Variants in VAV1 observed in about 807,000 individuals in gnomAD.
The protein encoded by VAV1 is vav guanine nucleotide exchange factor 1.
In VAV1, 33 loss-of-function variants were observed where a neutral mutation model predicts 128.1. The ratio of observed to expected loss-of-function variants is 0.26; its 90% CI spans 0.20 to 0.34. VAV1 has a LOEUF of 0.34. Ranked by LOEUF, VAV1 falls within the 10% of genes least tolerant of loss-of-function variation. The pLI is 1.00. For synonymous variants in VAV1, 394 were observed against 409.8 expected, an observed-to-expected ratio of 0.96 and a Z score of 0.47; for missense variants, 715 against 1,093.7, an observed-to-expected ratio of 0.65 and a Z score of 4.88.
chr19:6,837,344 G>C (rs1972247579), intron 21 of VAV1, among the ~76,000 whole-genome samples: 1 of 152,220 alleles, frequency 6.6e-6, no homozygotes. Context: ...CCTGCCCCTT[G>C]CTTCCTTCTG....
chr19:6,836,833 GACACACACACAC>G (rs60215253), intron 20 of VAV1, 140 bp from the exon 21 acceptor site: 63 of 874,246 alleles, frequency 7.2e-5, no homozygotes, highest in African/African-American at 6.3e-4. Context: ...CAGAGAGATG[GACACACACACAC>G]ACACACACAC....
intron 1 of VAV1, among the ~76,000 whole-genome samples, chr19:6,809,983 C>T (rs1971480647): frequency 6.6e-6 from 1 of 151,880 alleles, no homozygotes; most frequent in African/African-American, 2.4e-5. Flanking sequence ...CCAGCCTGGA[C>T]AATGTAACAA....
rs1419838694 is a variant in VAV1, at chr19:6,826,225, C to T, written c.828-387C>T. Among the ~76,000 whole-genome samples the T allele has an allele frequency of 2.0e-5, 3 of 152,072 alleles. No homozygotes were observed. The highest frequency in any genetic ancestry group is 4.4e-5 in the Non-Finnish European group (3 of 68,014). ...TGGTGGCAGGTGTCTGTAATCCCAGCTACTCGGGGGGCTGAAGCAGGAGAA... is the reference window on the plus strand; with the variant it reads ...TGGTGGCAGGTGTCTGTAATCCCAGTTACTCGGGGGGCTGAAGCAGGAGAA... On this transcript the variant is annotated intron_variant, in intron 8 of 26. Coordinates refer to ENST00000602142, the MANE Select transcript of VAV1 (RefSeq NM_005428.4). The surrounding 1 kb of genome is among the most constrained non-coding windows in gnomAD (Gnocchi z 4.1).
chr19:6,824,965 C>G (rs1212942662), intron 6 of VAV1, 88 bp from the exon 7 acceptor site: 3 of 1,367,428 alleles, frequency 2.2e-6, no homozygotes, highest in African/African-American at 2.9e-5. Context: ...CTTTATCTCC[C>G]TCTCTCTGTC....
At chr19:6,806,020 A>G (rs1417393338) in intron 1 of VAV1, among the ~76,000 whole-genome samples, 1 of 152,138 alleles carries the variant, frequency 6.6e-6, no homozygotes, top group Admixed American at 6.6e-5. Context: ...CAAATGACAG[A>G]AAACCTAATT....
chr19:6,813,793 C>T (rs945218978), intron 1 of VAV1, among the ~76,000 whole-genome samples: 4 of 151,962 alleles, frequency 2.6e-5, no homozygotes, highest in African/African-American at 9.7e-5. Flanking sequence ...GTGGCTCATA[C>T]CTGTAATCTC....
chr19:6,833,123 C>A, intron 15 of VAV1, 61 bp from the exon 16 acceptor site: 2 of 1,407,170 alleles, frequency 1.4e-6, no homozygotes, highest in Non-Finnish European at 2.0e-6. Flanking sequence ...TAGTATTCAG[C>A]CATAAAAAGG....
At chr19:6,802,484 C>G (rs936540905) in intron 1 of VAV1, among the ~76,000 whole-genome samples, 2 of 152,098 alleles carry the variant, frequency 1.3e-5, no homozygotes, top group Non-Finnish European at 2.9e-5. Context: ...CTGGCCCCAC[C>G]GCAGCCCGGA....
chr19:6,842,193 G>T (rs1022231589), intron 21 of VAV1, among the ~76,000 whole-genome samples: 1 of 152,144 alleles, frequency 6.6e-6, no homozygotes, highest in Admixed American at 6.5e-5. Flanking sequence ...TCGCGCCATT[G>T]CACTCCAGCC....
chr19:6,824,230 C>T (rs573651403), intron 6 of VAV1, among the ~76,000 whole-genome samples: 1 of 152,240 alleles, frequency 6.6e-6, no homozygotes, highest in African/African-American at 2.4e-5. Flanking sequence ...TGTGAGCCAC[C>T]ACCCCGGCCT....
chr19:6,847,414 G>A (rs1025543053), intron 22 of VAV1, among the ~76,000 whole-genome samples: 3 of 152,086 alleles, frequency 2.0e-5, no homozygotes, highest in South Asian at 2.1e-4. Flanking sequence ...ACAGTGTGTG[G>A]CCGTTTGTGC....
chr19:6,780,767 T>G (rs1366800031), intron 1 of VAV1, among the ~76,000 whole-genome samples: 1 of 149,620 alleles, frequency 6.7e-6, no homozygotes, highest in South Asian at 2.2e-4. Flanking sequence ...AGAGACAGGG[T>G]TTCACCATGT....
At chr19:6,785,743 T>C (rs753232757) in intron 1 of VAV1, among the ~76,000 whole-genome samples, 39 of 149,598 alleles carry the variant, frequency 2.6e-4, no homozygotes, top group Non-Finnish European at 4.9e-4. Flanking sequence ...CACCGCAACC[T>C]CTGCCTCCTG....
At chr19:6,796,452 T>C (rs1971138393) in intron 1 of VAV1, among the ~76,000 whole-genome samples, 1 of 152,112 alleles carries the variant, frequency 6.6e-6, no homozygotes, top group African/African-American at 2.4e-5. Context: ...TCCCCCTCGC[T>C]TACTCTGCTC....
chr19:6,798,001 G>A (rs1971177049), intron 1 of VAV1, among the ~76,000 whole-genome samples: 1 of 152,020 alleles, frequency 6.6e-6, no homozygotes, highest in Non-Finnish European at 1.5e-5. Context: ...ACATTGGTGG[G>A]GCGCGGTGGC....
chr19:6,793,932 T>C (rs1971071911), intron 1 of VAV1, among the ~76,000 whole-genome samples: 12 of 152,220 alleles, frequency 7.9e-5, no homozygotes, highest in Admixed American at 7.9e-4. Context: ...CATTAAATGA[T>C]TGATAAATAA....
At chr19:6,787,439 A>G (rs1970918748) in intron 1 of VAV1, among the ~76,000 whole-genome samples, 1 of 151,990 alleles carries the variant, frequency 6.6e-6, no homozygotes, top group Non-Finnish European at 1.5e-5. Context: ...GGCCTCCAAA[A>G]ATGCTGGGAT....
intron 1 of VAV1, among the ~76,000 whole-genome samples, chr19:6,790,140 T>C (rs368468307): frequency 6.6e-5 from 10 of 152,174 alleles, no homozygotes; most frequent in Admixed American, 2.0e-4. Context: ...ATCGTGCAAG[T>C]GCACTCCAGC....
Position 6,828,379 on chromosome 19 carries a change from G to A in VAV1, c.1024-40G>A, listed in dbSNP as rs1297813068. ...GAAGGCCCTCCCCGCAGGGAGAAGGGGAGGGGCCCAGGTGACGTCTGACGT... is the reference window on the plus strand; with the variant it reads ...GAAGGCCCTCCCCGCAGGGAGAAGGAGAGGGGCCCAGGTGACGTCTGACGT... On this transcript the variant is annotated intron_variant, in intron 10 of 26. Transcript: ENST00000602142. The surrounding 1 kb of genome is among the most constrained non-coding windows in gnomAD (Gnocchi z 4.5). The A allele has an allele frequency of 1.9e-6, 3 of 1,612,926 alleles. No individual in the cohort carries two copies. Among genetic ancestry groups the A allele is most frequent in the African/African-American group, 2.7e-5 (2 of 74,878 alleles).
Sources: allele counts gnomAD v4.1 joint callset (sites outside exome capture counted in the v4.1 genomes callset), GRCh38; gene constraint gnomAD v4.1.1; non-coding constraint Gnocchi (gnomAD v3.1); transcripts MANE v1.5; gene names NCBI Gene and HGNC (gene_info 2026-07-23, HGNC 2026-07-21).